Variants in ZNF66 observed in about 807,000 individuals in gnomAD.
ZNF66 encodes putative zinc finger protein 66.
A neutral mutation model predicts 35.2 loss-of-function variants in ZNF66; 32 were observed. That is an observed-to-expected ratio of 0.91 (90% CI 0.69 to 1.22). The LOEUF (loss-of-function observed/expected upper bound fraction) is 1.22, where lower values mean the gene tolerates loss of function less well. ZNF66 is among the 50% of genes most tolerant of loss of function. The probability of loss-of-function intolerance (pLI) is 0.00; values close to 1 mark genes in which losing one functional copy is unlikely to be tolerated. For missense variants in ZNF66, 666 were observed against 543.1 expected, an observed-to-expected ratio of 1.23 and a Z score of -2.25; for synonymous variants, 231 against 181.3, an observed-to-expected ratio of 1.27 and a Z score of -2.20.
At chr19:20,800,092 CTG>C (rs1971434245) in intron 3 of ZNF66, among the ~76,000 whole-genome samples, 1 of 152,214 alleles carries the variant, frequency 6.6e-6, no homozygotes, top group African/African-American at 2.4e-5. Context: ...TTGTGGCTCA[CTG>C]TAGCCTCAGC....
intron 1 of ZNF66, among the ~76,000 whole-genome samples, chr19:20,786,973 C>T (rs1310654840): frequency 6.6e-6 from 1 of 152,136 alleles, no homozygotes; most frequent in Non-Finnish European, 1.5e-5. Flanking sequence ...GTTGGTCAGG[C>T]TGGTCTTGAA....
intron 3 of ZNF66, chr19:20,794,476 G>C (rs1244226188): frequency 1.4e-5 from 2 of 147,874 alleles, no homozygotes; most frequent in African/African-American, 5.0e-5. Context: ...TTCCATTATT[G>C]TAAAAAAAAA....
In ZNF66 at chr19:20,806,957, T is replaced by C. The variant is rs746176079; in HGVS notation, c.1357T>C (p.Tyr453His). 1.8e-6 allele frequency: 2 copies of C among 1,130,870 alleles called. No individual in the cohort carries two copies. Among genetic ancestry groups the C allele is most frequent in the Non-Finnish European group, 2.7e-6 (2 of 740,950 alleles). The allele number at this position is 1,130,870 out of a possible 1,614,324, so 70.1% of individuals were successfully genotyped here. A position where few individuals can be genotyped will look rare whatever the true frequency, so the allele number is the denominator to read the frequency against. Residue 453 changes from tyrosine to histidine, a missense_variant, in exon 4 of 4, where the codon TAC becomes CAC. Physicochemically the swap from Tyr to His is moderately conservative, Grantham distance 83 (BLOSUM62 2). Transcript: ENST00000344519. Reference sequence around the variant, plus strand: ...GATAATTCACACTGGAGAGAAACCCTACGAATGTGAAGACTGTGGCAAAGC... The same window carrying C: ...GATAATTCACACTGGAGAGAAACCCCACGAATGTGAAGACTGTGGCAAAGC... ...HKIIHTGEKP[Y>H]ECEDCGKAFN...
chr19:20,802,775 GT>G (rs2144914301), intron 3 of ZNF66, among the ~76,000 whole-genome samples: 1 of 152,146 alleles, frequency 6.6e-6, no homozygotes, highest in South Asian at 2.1e-4. Flanking sequence ...AGAAAATGAA[GT>G]ATTGAAATAT....
At chr19:20,788,254 T>C (rs1568495265) in intron 1 of ZNF66, among the ~76,000 whole-genome samples, 1 of 152,296 alleles carries the variant, frequency 6.6e-6, no homozygotes, top group East Asian at 1.9e-4. Context: ...AGTCCAGAAA[T>C]GTTTAGTCTA....
At chr19:20,799,178 C>T (rs1249218670) in intron 3 of ZNF66, 1 of 151,318 alleles carries the variant, frequency 6.6e-6, no homozygotes. Flanking sequence ...TCCCCTACCT[C>T]AGCCTCCCAA....
chr19:20,780,330 C>A (rs1485952916), intron 1 of ZNF66, among the ~76,000 whole-genome samples: 1 of 151,956 alleles, frequency 6.6e-6, no homozygotes, highest in Non-Finnish European at 1.5e-5. Flanking sequence ...TCATCTTTCC[C>A]CATTTCTTTT....
rs1971547878 is a variant in ZNF66 at position 20,808,375 on chromosome 19, G to A, written c.*1053G>A. Among the ~76,000 whole-genome samples, 1 of 152,232 alleles carries A rather than the reference G, an allele frequency of 6.6e-6. No homozygotes were observed. The highest frequency in any genetic ancestry group is 1.5e-5 in the Non-Finnish European group (1 of 68,042). On this transcript the variant is annotated 3_prime_UTR_variant, in exon 4 of 4. Coordinates refer to ENST00000344519, the MANE Select transcript of ZNF66 (RefSeq NM_001355197.2). ...GTGGTTCTCCCAGCACGCAGCTGGA[G>A]ATCTGAGAACGGGCAGACTGCCTCC...
intron 3 of ZNF66, among the ~76,000 whole-genome samples, chr19:20,801,189 C>T (rs1013888670): frequency 1.3e-5 from 2 of 152,012 alleles, no homozygotes; most frequent in African/African-American, 4.8e-5. Flanking sequence ...TGGTACATAA[C>T]TTTTTTTCAT....
At position 20,807,422 on chromosome 19, in the gene ZNF66, T is replaced by C; in HGVS notation, c.*100T>C. 2 of 555,082 alleles carry C rather than the reference T, an allele frequency of 3.6e-6. No individual in the cohort carries two copies. Among genetic ancestry groups the C allele is most frequent in the Non-Finnish European group, 6.4e-6 (2 of 312,278 alleles). 34.4% of individuals were successfully genotyped at this position (555,082 alleles called of 1,614,324 possible). On this transcript the variant is annotated 3_prime_UTR_variant, in exon 4 of 4. Transcript: ENST00000344519. ...AAGACTTTAACCAGCTATCAACTTT[T>C]ACTAAATATGAGAATTTATGGAACA...
At position 20,805,915 on chromosome 19, in the gene ZNF66, A is replaced by G. The variant is rs1971498997; in HGVS notation, c.315A>G (p.Lys105=). The change falls in exon 4 of 4, where the codon AAA becomes AAG. Residue 105 remains lysine (K), a synonymous_variant. Transcript: ENST00000344519. ...AACTGATACTGAGAAGGCATAAAAA[A>G]TGTGGACATGATAATTTGCAGTTAA... ...FQKLILRRHK[K]CGHDNLQLKK... 4 of 672,670 alleles carry G rather than the reference A, an allele frequency of 5.9e-6. No homozygotes were observed. Among genetic ancestry groups the G allele is most frequent in the African/African-American group, 1.8e-5 (1 of 55,644 alleles). The allele number at this position is 672,670 out of a possible 1,614,324, so 41.7% of individuals were successfully genotyped here.
At chr19:20,795,846 C>CT (rs1351057999) in intron 3 of ZNF66, among the ~76,000 whole-genome samples, 1 of 152,116 alleles carries the variant, frequency 6.6e-6, no homozygotes, top group Admixed American at 6.5e-5. Flanking sequence ...CTGCCAGACT[C>CT]TGACTGGGAG....
intron 2 of ZNF66, among the ~76,000 whole-genome samples, chr19:20,793,228 ACTTGCC>A (rs1971355737): frequency 6.6e-6 from 1 of 151,870 alleles, no homozygotes; most frequent in African/African-American, 2.4e-5. Flanking sequence ...CTGAAAATCT[ACTTGCC>A]ACCACCAAGT....
At chr19:20,777,114 TAAAAAAA>T (rs767934089) in intron 1 of ZNF66, among the ~76,000 whole-genome samples, 1 of 95,006 alleles carries the variant, frequency 1.1e-5, no homozygotes, top group East Asian at 3.0e-4. Context: ...GACTCTTGTC[TAAAAAAA>T]AAAAAAAAAA....
chr19:20,796,676 T>G (rs959743821), intron 3 of ZNF66, among the ~76,000 whole-genome samples: 7 of 152,194 alleles, frequency 4.6e-5, no homozygotes, highest in Non-Finnish European at 1.0e-4. Flanking sequence ...TTTAAAACAT[T>G]AAAAGTAACT....
rs778252576 is a variant in ZNF66, at chr19:20,806,987, A to T, written c.1387A>T (p.Asn463Tyr). 3.6e-5 allele frequency: 36 copies of T among 1,006,886 alleles called. No homozygotes were observed. The highest frequency in any genetic ancestry group is 5.4e-5 in the Non-Finnish European group (34 of 628,944). 62.4% of individuals were successfully genotyped at this position (1,006,886 alleles called of 1,614,324 possible). Residue 463 changes from asparagine (N) to tyrosine (Y), a missense_variant, in exon 4 of 4, where the codon AAC (asparagine) becomes TAC (tyrosine). Transcript: ENST00000344519. ...YECEDCGKAF[N>Y]RSSNLTKHKK... ...ATGTGAAGACTGTGGCAAAGCCTTTAACCGCTCCTCTAACCTTACTAAACA... is the reference window on the plus strand; with the variant it reads ...ATGTGAAGACTGTGGCAAAGCCTTTTACCGCTCCTCTAACCTTACTAAACA...
rs35367036 is a variant in ZNF66, at chr19:20,776,332, C to T, written c.-116C>T. ...TCTCCCTGCAGCTGGAGCTCCAGGT[C>T]GTCTGTTCACTGCTCTCTGTCTTCT... is the stretch of plus-strand genomic sequence containing the variant. On this transcript the variant is annotated 5_prime_UTR_variant, in exon 1 of 4. Coordinates refer to ENST00000344519, the MANE Select transcript of ZNF66 (RefSeq NM_001355197.2). The T allele has an allele frequency of 3.0e-5, 44 of 1,444,528 alleles. No individual in the cohort carries two copies. In the Admixed American group the frequency reaches 6.2e-4, roughly 21 times the overall value. The allele number at this position is 1,444,528 out of a possible 1,614,324, so 89.5% of individuals were successfully genotyped here.
At position 20,808,703 on chromosome 19, in the gene ZNF66, C is replaced by T. The variant is rs922575893; in HGVS notation, c.*1381C>T. On this transcript the variant is annotated 3_prime_UTR_variant, in exon 4 of 4. Coordinates refer to ENST00000344519, the MANE Select transcript of ZNF66 (RefSeq NM_001355197.2). The stretch of plus-strand genomic sequence containing the variant: ...CACCAAAAACCCATCTGTACATCAC[C>T]ATCATCAAAGACCAAAAGTAGATAA... Among the ~76,000 whole-genome samples, 12 of 151,982 alleles carry T rather than the reference C, an allele frequency of 7.9e-5. No individual in the cohort carries two copies. The highest frequency in any genetic ancestry group is 1.6e-4 in the Non-Finnish European group (11 of 67,990).
At chr19:20,799,924 T>C (rs1281806409) in intron 3 of ZNF66, among the ~76,000 whole-genome samples, 1 of 152,208 alleles carries the variant, frequency 6.6e-6, no homozygotes, top group African/African-American at 2.4e-5. Flanking sequence ...TATTCACATA[T>C]TTGTGAATCT....
Sources: gnomAD v4.1 joint callset for allele counts (sites outside exome capture counted in the v4.1 genomes callset) on GRCh38, gnomAD v4.1.1 for gene constraint, MANE v1.5 for transcripts, NCBI Gene and HGNC (gene_info 2026-07-23, HGNC 2026-07-21) for gene names.